The following ZNF609 variants were observed in gnomAD, a reference collection of about 807,000 sequenced individuals.
ZNF609 encodes the protein zinc finger protein 609.
Under a neutral mutation model 109.5 loss-of-function variants are expected in ZNF609, and 11 were observed. That is an observed-to-expected ratio of 0.10 (90% CI 0.06 to 0.17). The LOEUF (loss-of-function observed/expected upper bound fraction) is 0.17. ZNF609 is among the 10% of genes least tolerant of loss of function. The pLI is 1.00. For synonymous variants in ZNF609, 646 were observed against 662.0 expected, an observed-to-expected ratio of 0.98 and a Z score of 0.37; for missense variants, 1,559 against 1,772.4, an observed-to-expected ratio of 0.88 and a Z score of 2.16.
Position 64,682,364 on chromosome 15 carries a change from C to T in ZNF609, c.*678C>T, listed in dbSNP as rs1020913667. The T allele has an allele frequency of 2.0e-5, 3 of 152,724 alleles. No homozygotes were observed. The highest frequency in any genetic ancestry group is 4.4e-5 in the Non-Finnish European group (3 of 68,072). The allele number at this position is 152,724 out of a possible 1,614,324, so 9.5% of individuals were successfully genotyped here. ...AGGAAGACCAAGGCATCTGCCCCAA[C>T]ATGGCCTTGAGCTGCCTGTGAGGCA... On this transcript the variant is annotated 3_prime_UTR_variant, in exon 10 of 10. Transcript: ENST00000326648.
At chr15:64,496,712 A>G (rs574569897) in intron 1 of ZNF609, among the ~76,000 whole-genome samples, 13 of 152,296 alleles carry the variant, frequency 8.5e-5, no homozygotes, top group African/African-American at 2.9e-4. Flanking sequence ...CTACTATGCT[A>G]TTTCATGGAG....
chr15:64,624,760 A>AC (rs1263136225), intron 3 of ZNF609, among the ~76,000 whole-genome samples: 12 of 89,710 alleles, frequency 1.3e-4, no homozygotes, highest in Middle Eastern at 9.8e-3. Flanking sequence ...TGTTACGTAC[A>AC]CTTTTTTTTT....
At chr15:64,609,128 C>CTTTCTTTCTTTCT in intron 2 of ZNF609, among the ~76,000 whole-genome samples, 1 of 101,132 alleles carries the variant, frequency 9.9e-6, no homozygotes, top group South Asian at 3.2e-4. Flanking sequence ...TTCTTTCTTT[C>CTTTCTTTCTTTCT]TTTTTTTCTT....
At chr15:64,553,299 T>C (rs895935978) in intron 2 of ZNF609, among the ~76,000 whole-genome samples, 1 of 151,564 alleles carries the variant, frequency 6.6e-6, no homozygotes. Context: ...ACTGGGACTT[T>C]AATTGGAATT....
At chr15:64,646,161 ATG>A (rs1488932840) in intron 3 of ZNF609, among the ~76,000 whole-genome samples, 2 of 152,234 alleles carry the variant, frequency 1.3e-5, no homozygotes, top group African/African-American at 4.8e-5. Flanking sequence ...TGGATAAACA[ATG>A]TGGTATAGCC....
intron 7 of ZNF609, 85 bp from the exon 8 acceptor site, chr15:64,680,561 T>TGTG: frequency 3.5e-6 from 4 of 1,132,824 alleles, no homozygotes; most frequent in Non-Finnish European, 5.0e-6. Flanking sequence ...GGCATCTCAC[T>TGTG]TGTGTGTGTG....
In ZNF609 at chr15:64,579,716, A is replaced by C. The variant is rs867531977; in HGVS notation, c.748-43111A>C. On this transcript the variant is annotated intron_variant, in intron 2 of 9. Transcript: ENST00000326648. ...CACAGGAAAACAAACAAACAAAAAA[A>C]AAAAACTTGTGTTTTTGTATAGCTC... 5.9e-3 allele frequency among the ~76,000 whole-genome samples: 898 copies of C among 151,828 alleles called. 8 individuals are homozygous for C. The highest frequency in any genetic ancestry group is 0.021 in the African/African-American group (873 of 41,462).
At chr15:64,490,527 G>A (rs879811620) in intron 1 of ZNF609, among the ~76,000 whole-genome samples, 12 of 152,096 alleles carry the variant, frequency 7.9e-5, no homozygotes, top group Non-Finnish European at 1.5e-4. Flanking sequence ...ATCCACCTTG[G>A]CCTCCCAAAG....
At position 64,675,931 on chromosome 15, in the gene ZNF609, A is replaced by T; in HGVS notation, c.3077A>T (p.Glu1026Val). ...QQQRGVDKKA[E>V]MGLKEREAAL... ...CAGCGGGGAGTGGACAAGAAGGCAG[A>T]GATGGGCCTGAAGGAGCGGGAGGCA... The change falls in exon 5 of 10, where the codon GAG (glutamate) becomes GTG (valine). Residue 1026 changes from glutamate (E) to valine (V), a missense_variant. Around this residue, in one of 4 missense-constraint regions of ZNF609, gnomAD observed 1,204 missense variants for 1,314.1 expected, o/e 0.92. Transcript: ENST00000326648. The T allele has an allele frequency of 6.2e-7, 1 of 1,614,256 alleles. No homozygotes were observed. Among genetic ancestry groups the T allele is most frequent in the South Asian group, 1.1e-5 (1 of 91,084 alleles).
chr15:64,539,014 T>C (rs1894200480), intron 2 of ZNF609, among the ~76,000 whole-genome samples: 1 of 151,684 alleles, frequency 6.6e-6, no homozygotes. Context: ...TTTGTACATT[T>C]TTCTTTTGAG....
chr15:64,670,593 G>T (rs1595758934), intron 4 of ZNF609, among the ~76,000 whole-genome samples, 160 bp downstream of exon 4: 1 of 152,110 alleles, frequency 6.6e-6, no homozygotes, highest in East Asian at 1.9e-4. Flanking sequence ...CAAGAAGACT[G>T]AATGGCCAGG....
intron 2 of ZNF609, among the ~76,000 whole-genome samples, chr15:64,522,674 C>G (rs1252846916): frequency 6.6e-6 from 1 of 152,082 alleles, no homozygotes; most frequent in East Asian, 1.9e-4. Context: ...TGTTGACCTG[C>G]TTTCTTCTCT....
chr15:64,468,520 G>T (rs946015366), intron 1 of ZNF609, among the ~76,000 whole-genome samples: 3 of 151,914 alleles, frequency 2.0e-5, no homozygotes, highest in Non-Finnish European at 4.4e-5. Context: ...CCAAAGTGCT[G>T]GGATTATAGG....
At chr15:64,627,207 A>C (rs547201023) in intron 3 of ZNF609, among the ~76,000 whole-genome samples, 5 of 152,294 alleles carry the variant, frequency 3.3e-5, no homozygotes, top group South Asian at 2.1e-4. Flanking sequence ...AAAAACAAAA[A>C]AAAACAAAAC....
chr15:64,651,668 A>T (rs1896417638), intron 3 of ZNF609, among the ~76,000 whole-genome samples: 1 of 152,208 alleles, frequency 6.6e-6, no homozygotes, highest in South Asian at 2.1e-4. Flanking sequence ...CAGAGGGCAA[A>T]CACTGTGACA....
At chr15:64,479,707 T>A (rs1893224754) in intron 1 of ZNF609, among the ~76,000 whole-genome samples, 1 of 151,854 alleles carries the variant, frequency 6.6e-6, no homozygotes, top group Non-Finnish European at 1.5e-5. Context: ...TCACTTGAGG[T>A]CAGGAGTTCG....
chr15:64,480,363 G>A (rs1467992505), intron 1 of ZNF609, among the ~76,000 whole-genome samples: 6 of 151,914 alleles, frequency 3.9e-5, no homozygotes, highest in South Asian at 2.1e-4. Context: ...GTGAAACCCC[G>A]TCTACTAAAA....
chr15:64,575,929 C>G (rs769843561), intron 2 of ZNF609, among the ~76,000 whole-genome samples: 33 of 152,194 alleles, frequency 2.2e-4, no homozygotes, highest in African/African-American at 7.7e-4. Context: ...AGTGAAACCC[C>G]GTCTCTTCTA....
intron 2 of ZNF609, among the ~76,000 whole-genome samples, chr15:64,524,795 T>C (rs1893947258): frequency 6.6e-6 from 1 of 152,212 alleles, no homozygotes; most frequent in Non-Finnish European, 1.5e-5. Flanking sequence ...AGTTTTTGTA[T>C]GGACATATGT....
Sources: gnomAD v4.1 joint callset for allele counts (sites outside exome capture counted in the v4.1 genomes callset) on GRCh38, gnomAD v4.1.1 for gene constraint, gnomAD v4.1.1 regional missense constraint, MANE v1.5 for transcripts, NCBI Gene and HGNC (gene_info 2026-07-23, HGNC 2026-07-21) for gene names.